The following SCN9A variants were observed in gnomAD, a reference collection of about 807,000 sequenced individuals.
SCN9A encodes sodium voltage-gated channel alpha subunit 9.
Under a neutral mutation model 187.0 loss-of-function variants are expected in SCN9A, and 131 were observed. That is an observed-to-expected ratio of 0.70 (90% CI 0.61 to 0.81). The LOEUF is 0.81. Ranked by LOEUF, SCN9A falls within the 30% of genes least tolerant of loss-of-function variation. The pLI is 0.00. For missense variants in SCN9A, 2,252 were observed against 2,396.6 expected (o/e 0.94, Z 1.26); for synonymous variants, 809 against 808.6 (o/e 1.00, Z -0.01).
intron 18 of SCN9A, among the ~76,000 whole-genome samples, chr2:166,249,012 C>G (rs1192694779): frequency 6.6e-6 from 1 of 151,964 alleles, no homozygotes; most frequent in Non-Finnish European, 1.5e-5. Flanking sequence ...TCATTATTCT[C>G]CATCTATTTT....
chr2:166,370,223 A>ATC (rs1553507710), intron 1 of SCN9A, among the ~76,000 whole-genome samples: 5,486 of 120,758 alleles, frequency 0.045, 130 homozygotes, highest in Non-Finnish European at 0.055. Flanking sequence ...TAATAATAAT[A>ATC]ATAATAATAA....
chr2:166,281,984 T>C (rs1344081889), intron 12 of SCN9A, among the ~76,000 whole-genome samples, 176 bp from the exon 13 acceptor site: 1 of 152,190 alleles, frequency 6.6e-6, no homozygotes, highest in Non-Finnish European at 1.5e-5. Context: ...TACTTAACTG[T>C]CTCAGTTTTA....
At chr2:166,354,513 T>C (rs1700109037) in intron 1 of SCN9A, among the ~76,000 whole-genome samples, 1 of 152,234 alleles carries the variant, frequency 6.6e-6, no homozygotes, top group African/African-American at 2.4e-5. Context: ...AAAAATACAT[T>C]AGGCACATTT....
intron 1 of SCN9A, among the ~76,000 whole-genome samples, chr2:166,348,375 G>T (rs1272140803): frequency 1.3e-5 from 2 of 152,078 alleles, no homozygotes; most frequent in African/African-American, 4.8e-5. Context: ...GCCAGTGCTA[G>T]TAATAAAAAG....
chr2:166,241,751 AG>A (rs1310473530), intron 19 of SCN9A, among the ~76,000 whole-genome samples: 1 of 152,128 alleles, frequency 6.6e-6, no homozygotes, highest in Non-Finnish European at 1.5e-5. Flanking sequence ...CAAGCTCTAC[AG>A]TTACTCATTT....
Position 166,272,662 on chromosome 2 carries a change from G to A in SCN9A, c.3088C>T (p.Leu1030=), listed in dbSNP as rs753081183. 1.2e-5 allele frequency: 19 copies of A among 1,612,140 alleles called. No individual in the cohort carries two copies. Among genetic ancestry groups the A allele is most frequent in the Non-Finnish European group, 1.5e-5 (18 of 1,179,308 alleles). ...ATATAGTTTTCCTTCTTAGTATTCAGATCTTCTGCTTGTCTTATCTCCCTG... is the reference window on the plus strand; with the variant it reads ...ATATAGTTTTCCTTCTTAGTATTCAAATCTTCTGCTTGTCTTATCTCCCTG... The part of the protein sequence containing the change: ...ISREIRQAED[L]NTKKENYISN... The change falls in exon 17 of 27, where the codon CTG becomes TTG. Residue 1030 remains leucine, a synonymous_variant. Transcript: ENST00000642356.
rs1446266330 is a variant in SCN9A, at chr2:166,199,483, T to C, written c.5156A>G (p.Lys1719Arg). ...NSKPPDCDPK[K>R]VHPGSSVEGD... ...TTCAACTGAACTTCCAGGATGAACT[T>C]TTTTTGGGTCACAGTCGGGTGGCTT... Residue 1719 changes from lysine to arginine, a missense_variant, in exon 27 of 27, where the codon AAA (lysine) becomes AGA (arginine). Around this residue, in one of 7 missense-constraint regions of SCN9A, gnomAD observed 345 missense variants for 344.6 expected, o/e 1.00. Transcript: ENST00000642356. 8.7e-6 allele frequency: 14 copies of C among 1,614,060 alleles called. No homozygotes were observed. The highest frequency in any genetic ancestry group is 1.1e-5 in the Non-Finnish European group (13 of 1,180,036).
intron 24 of SCN9A, among the ~76,000 whole-genome samples, chr2:166,220,940 A>C (rs951057272): frequency 6.6e-6 from 1 of 152,228 alleles, no homozygotes; most frequent in African/African-American, 2.4e-5. Flanking sequence ...ATCTGTTAGA[A>C]CTAATAAACA....
In SCN9A at chr2:166,195,912, G is replaced by T. The variant is rs1265251216; in HGVS notation, c.*2760C>A. On this transcript the variant is annotated 3_prime_UTR_variant, in exon 27 of 27. Transcript: ENST00000642356. ...AAAATTTAAATATTAGCCAGGCATG[G>T]TGGCATGTACCTGTAGTCTTAGCTA... 1 of 152,190 alleles carries T rather than the reference G, an allele frequency of 6.6e-6. No homozygotes were observed. Among genetic ancestry groups the T allele is most frequent in the African/African-American group, 2.4e-5 (1 of 41,400 alleles). 9.4% of individuals were successfully genotyped at this position (152,190 alleles called of 1,614,324 possible). A position where few individuals can be genotyped will look rare whatever the true frequency, so the allele number is the denominator to read the frequency against.
chr2:166,281,229 C>T (rs964873479), intron 13 of SCN9A, among the ~76,000 whole-genome samples: 10 of 152,068 alleles, frequency 6.6e-5, no homozygotes, highest in Non-Finnish European at 1.5e-4. Context: ...AGGGTAGAAG[C>T]CAGCACAGTT....
chr2:166,226,720 A>G lies in SCN9A; in HGVS notation c.4261-16T>C. On this transcript the variant is annotated splice_polypyrimidine_tract_variant and intron_variant, in intron 23 of 26. Coordinates refer to ENST00000642356, the MANE Select transcript of SCN9A (RefSeq NM_001365536.1). Reference sequence around the variant, plus strand: ...GCTTGTCTACCTATAAAATTTACAAAAGTTAGCATTATATGGACAGTAACA... The same window carrying G: ...GCTTGTCTACCTATAAAATTTACAAGAGTTAGCATTATATGGACAGTAACA... The G allele has an allele frequency of 6.5e-6, 10 of 1,536,754 alleles. No homozygotes were observed. The highest frequency in any genetic ancestry group is 8.8e-6 in the Non-Finnish European group (10 of 1,142,680).
rs549209109 is a variant in SCN9A at position 166,205,994 on chromosome 2, C to T, written c.4399-1530G>A. Among the ~76,000 whole-genome samples, 378 of 152,200 alleles carry T rather than the reference C, an allele frequency of 2.5e-3. 3 individuals carry two copies. The highest frequency in any genetic ancestry group is 8.7e-3 in the African/African-American group (360 of 41,538). ...ACCTCATGCCAATTAGAATGGCAAT[C>T]ACTAAAAAGTCAGGAAACAACAGAT... On this transcript the variant is annotated intron_variant, in intron 24 of 26. Transcript: ENST00000642356.
intron 1 of SCN9A, among the ~76,000 whole-genome samples, chr2:166,328,240 AG>A (rs1699411993): frequency 6.6e-6 from 1 of 151,720 alleles, no homozygotes; most frequent in Non-Finnish European, 1.5e-5. Context: ...CTATATTTTT[AG>A]GATATATGCA....
At position 166,359,732 on chromosome 2, in the gene SCN9A, C is replaced by A. The variant is rs190873215; in HGVS notation, c.-51+15965G>T. On this transcript the variant is annotated intron_variant, in intron 1 of 26. Transcript: ENST00000642356. ...CAACTGGTATGCAAAACAAATTAAG[C>A]TGTATATGCGATAATTTTATATTCA... is the stretch of plus-strand genomic sequence containing the variant. Among the ~76,000 whole-genome samples the A allele has an allele frequency of 2.0e-5, 3 of 151,154 alleles. No individual in the cohort carries two copies. The East Asian group carries it at 5.8e-4, about 29-fold the overall frequency.
chr2:166,359,742 G>A lies in SCN9A; in HGVS notation c.-51+15955C>T, dbSNP rs941906818. On this transcript the variant is annotated intron_variant, in intron 1 of 26. Transcript: ENST00000642356. ...GCAAAACAAATTAAGCTGTATATGC[G>A]ATAATTTTATATTCAGACAACTGAT... Among the ~76,000 whole-genome samples, 13 of 145,762 alleles carry A rather than the reference G, an allele frequency of 8.9e-5. No homozygotes were observed. In the Middle Eastern group the frequency reaches 0.014, roughly 158 times the overall value.
Position 166,311,622 on chromosome 2 carries a change from T to G in SCN9A, c.135A>C (p.Glu45Asp). 6.2e-7 allele frequency: 1 copy of G among 1,613,366 alleles called. No homozygotes were observed. The highest frequency in any genetic ancestry group is 8.5e-7 in the Non-Finnish European group (1 of 1,179,762). ...PKEEKKDDDE[E>D]APKPSSDLEA... Reference sequence around the variant, plus strand: ...CCAAGTCACTGCTTGGCTTTGGGGCTTCTTCATCATCATCTTTCTTTTCTT... The same window carrying G: ...CCAAGTCACTGCTTGGCTTTGGGGCGTCTTCATCATCATCTTTCTTTTCTT... The change falls in exon 2 of 27, where the codon GAA becomes GAC. Residue 45 changes from glutamate to aspartate, a missense_variant. Physicochemically the swap from Glu to Asp is conservative, Grantham distance 45. Transcript: ENST00000642356.
rs35683510 is a variant in SCN9A, at chr2:166,363,823, A to G, written c.-51+11874T>C. On this transcript the variant is annotated intron_variant, in intron 1 of 26. Transcript: ENST00000642356. The stretch of plus-strand genomic sequence containing the variant: ...ACATGGAACCAAAAGCACGGTCAAC[A>G]AAAGAAAAAAAGAGCTGAATTGGAT... 8.6e-3 allele frequency among the ~76,000 whole-genome samples: 1,313 copies of G among 152,224 alleles called. 8 individuals are homozygous for G. Among genetic ancestry groups the G allele is most frequent in the Middle Eastern group, 0.027 (8 of 294 alleles).
At chr2:166,210,929 TG>T (rs769372665) in intron 24 of SCN9A, among the ~76,000 whole-genome samples, 2 of 151,818 alleles carry the variant, frequency 1.3e-5, no homozygotes, top group Non-Finnish European at 2.9e-5. Context: ...GGTGTGGTGG[TG>T]GGTGCCTATA....
chr2:166,306,713 G>T (rs556841303), intron 3 of SCN9A, 114 bp from the exon 4 acceptor site: 11 of 782,374 alleles, frequency 1.4e-5, no homozygotes, highest in Non-Finnish European at 2.4e-5. Context: ...AAATGAGCTT[G>T]TAGACTATTT....
Sources: allele counts gnomAD v4.1 joint callset (sites outside exome capture counted in the v4.1 genomes callset), GRCh38; gene constraint gnomAD v4.1.1; regional missense constraint gnomAD v4.1.1; transcripts MANE v1.5; gene names NCBI Gene and HGNC (gene_info 2026-07-23, HGNC 2026-07-21).